Variants in FGF14 observed in about 807,000 individuals in gnomAD.
The protein encoded by FGF14 is fibroblast growth factor homologous factor 4.
In FGF14, 5 loss-of-function variants were observed where a neutral mutation model predicts 25.5. The ratio of observed to expected loss-of-function variants is 0.20; its 90% confidence interval spans 0.10 to 0.41. The LOEUF (loss-of-function observed/expected upper bound fraction) is 0.41, where lower values mean the gene tolerates loss of function less well. FGF14 is among the 10% of genes least tolerant of loss of function. FGF14 has a pLI of 1.00. For missense variants in FGF14, 222 were observed against 320.1 expected (o/e 0.69, Z 2.34); for synonymous variants, 138 against 118.3 (o/e 1.17, Z -1.08).
chr13:102,357,309 C>T (rs2057446836), intron 1 of FGF14, among the ~76,000 whole-genome samples: 1 of 151,974 alleles, frequency 6.6e-6, no homozygotes, highest in Admixed American at 6.5e-5. Context: ...TGCATGCACA[C>T]TCCAGGGCTT....
rs1232242463 is a variant in FGF14, at chr13:101,983,564, T to G, written c.209-108268A>C. Among the ~76,000 whole-genome samples, 5 of 152,320 alleles carry G rather than the reference T, an allele frequency of 3.3e-5. No individual in the cohort carries two copies. The East Asian group carries it at 9.6e-4, about 29-fold the overall frequency. On this transcript the variant is annotated intron_variant, in intron 1 of 4. Transcript: ENST00000376131. ...GATTGTTAGCCTTGGATCCTTCCAC[T>G]AAGGTAGAAATAGCAGGCCAGTTAA...
At chr13:102,194,512 T>A (rs1479315657) in intron 1 of FGF14, among the ~76,000 whole-genome samples, 1 of 152,078 alleles carries the variant, frequency 6.6e-6, no homozygotes, top group African/African-American at 2.4e-5. Flanking sequence ...GCAGAATAAA[T>A]AATCAGTGAA....
At chr13:102,279,342 A>G (rs1005654555) in intron 1 of FGF14, among the ~76,000 whole-genome samples, 2 of 152,122 alleles carry the variant, frequency 1.3e-5, no homozygotes, top group African/African-American at 4.8e-5. Flanking sequence ...TCTGTTAACT[A>G]TTTCTTATTG....
intron 1 of FGF14, among the ~76,000 whole-genome samples, chr13:101,959,563 C>T (rs570721294): frequency 3.9e-5 from 6 of 152,274 alleles, no homozygotes; most frequent in African/African-American, 9.6e-5. Context: ...CAATGCTGCA[C>T]GTGCTGAGCT....
intron 1 of FGF14, among the ~76,000 whole-genome samples, chr13:102,199,371 T>C (rs2049509042): frequency 1.3e-5 from 2 of 152,368 alleles, no homozygotes; most frequent in South Asian, 2.1e-4. Context: ...ATTTAATGAA[T>C]GATTTCTAAA....
At chr13:102,215,723 A>G (rs1000463290) in intron 1 of FGF14, among the ~76,000 whole-genome samples, 2 of 152,222 alleles carry the variant, frequency 1.3e-5, no homozygotes, top group African/African-American at 2.4e-5. Flanking sequence ...AACATTTTGT[A>G]TCCTTCCTGA....
chr13:102,383,687 T>C (rs1189884764), intron 1 of FGF14, among the ~76,000 whole-genome samples: 2 of 152,158 alleles, frequency 1.3e-5, no homozygotes, highest in Non-Finnish European at 2.9e-5. Flanking sequence ...TCCACCTCTA[T>C]CAATCACTGC....
At chr13:102,095,999 GTGTATA>G (rs2044378058) in intron 1 of FGF14, among the ~76,000 whole-genome samples, 1 of 89,564 alleles carries the variant, frequency 1.1e-5, no homozygotes. Context: ...GTGTGTGTGT[GTGTATA>G]TATATATATA....
At chr13:102,330,836 C>T (rs1191813711) in intron 1 of FGF14, among the ~76,000 whole-genome samples, 1 of 152,174 alleles carries the variant, frequency 6.6e-6, no homozygotes, top group Non-Finnish European at 1.5e-5. Flanking sequence ...TCTGTCTCCC[C>T]TCTACAAGTA....
At chr13:101,847,645 T>C (rs1713181235) in intron 3 of FGF14, among the ~76,000 whole-genome samples, 1 of 152,066 alleles carries the variant, frequency 6.6e-6, no homozygotes, top group Non-Finnish European at 1.5e-5. Context: ...CTCTGTGAAA[T>C]GAATGAAATA....
intron 1 of FGF14, among the ~76,000 whole-genome samples, chr13:102,027,274 G>A (rs534001433): frequency 6.6e-6 from 1 of 150,476 alleles, no homozygotes; most frequent in Non-Finnish European, 1.5e-5. Context: ...AGTATAATAT[G>A]CATTATCTAT....
chr13:102,335,325 CCT>C (rs1021403498), intron 1 of FGF14, among the ~76,000 whole-genome samples: 3 of 152,026 alleles, frequency 2.0e-5, no homozygotes, highest in Non-Finnish European at 2.9e-5. Context: ...TGCTGAAACC[CCT>C]GTTAGATTTT....
chr13:101,867,656 A>G (rs1483199421), intron 3 of FGF14, among the ~76,000 whole-genome samples: 3 of 152,104 alleles, frequency 2.0e-5, no homozygotes, highest in Admixed American at 6.6e-5. Context: ...TGCTGGCAAC[A>G]TGCTGCATAT....
chr13:101,872,214 T>C (rs564419664), intron 2 of FGF14, among the ~76,000 whole-genome samples: 3 of 151,790 alleles, frequency 2.0e-5, no homozygotes, highest in Non-Finnish European at 4.4e-5. Flanking sequence ...TTGCTAGTTA[T>C]GGATAACTAA....
At chr13:102,314,098 GA>G (rs11318887) in intron 1 of FGF14, among the ~76,000 whole-genome samples, 40,342 of 151,646 alleles carry the variant, frequency 0.27, 5,638 homozygotes, top group Admixed American at 0.38. Flanking sequence ...ATTACGTATT[GA>G]AAAAAAATGG....
At chr13:102,200,371 TTCC>T (rs2049561363) in intron 1 of FGF14, among the ~76,000 whole-genome samples, 1 of 152,234 alleles carries the variant, frequency 6.6e-6, no homozygotes, top group South Asian at 2.1e-4. Context: ...TATATTTTGC[TTCC>T]TCAACTACAT....
At chr13:102,053,755 T>C (rs1162359935) in intron 1 of FGF14, among the ~76,000 whole-genome samples, 1 of 152,142 alleles carries the variant, frequency 6.6e-6, no homozygotes, top group Non-Finnish European at 1.5e-5. Flanking sequence ...ACACATATAA[T>C]GGCTTAGAAC....
chr13:102,026,066 T>C (rs2040909383), intron 1 of FGF14, among the ~76,000 whole-genome samples: 1 of 151,986 alleles, frequency 6.6e-6, no homozygotes, highest in Admixed American at 6.6e-5. Context: ...CCTAATTTAG[T>C]CTGATGTTGA....
chr13:102,221,739 A>G (rs1008434606), intron 1 of FGF14, among the ~76,000 whole-genome samples: 17 of 152,208 alleles, frequency 1.1e-4, no homozygotes, highest in African/African-American at 7.2e-5. Context: ...TCAATTGCAA[A>G]TGTAGAATTA....
Sources: gnomAD v4.1 joint callset for allele counts (sites outside exome capture counted in the v4.1 genomes callset) on GRCh38, gnomAD v4.1.1 for gene constraint, MANE v1.5 for transcripts, NCBI Gene and HGNC (gene_info 2026-07-23, HGNC 2026-07-21) for gene names.